The following BLTP3B variants were observed in gnomAD, a reference collection of about 807,000 sequenced individuals.
The protein encoded by BLTP3B is bridge-like lipid transfer protein family member 3B.
the BLTP3B span, among the ~76,000 whole-genome samples, chr12:100,064,832 T>C: frequency 1.3e-5 from 2 of 150,784 alleles, no homozygotes; most frequent in South Asian, 4.2e-4. Flanking sequence ...CAGAACCTCT[T>C]TAAAGCATAA....
the BLTP3B span, chr12:100,072,662 ACT>A: frequency 6.7e-7 from 1 of 1,492,152 alleles, no homozygotes; most frequent in East Asian, 2.5e-5. Context: ...ATAATTAAAA[ACT>A]CTCTTACTTG....
At chr12:100,081,486 G>A in the BLTP3B span, among the ~76,000 whole-genome samples, 1 of 152,004 alleles carries the variant, frequency 6.6e-6, no homozygotes, top group Non-Finnish European at 1.5e-5. Flanking sequence ...GTGTCACTGG[G>A]GTTTGGTGTA....
chr12:100,096,150 G>A, the BLTP3B span, among the ~76,000 whole-genome samples: 1 of 152,098 alleles, frequency 6.6e-6, no homozygotes, highest in Non-Finnish European at 1.5e-5. Context: ...AGCTACTTGG[G>A]AGGTGGAGGC....
the BLTP3B span, among the ~76,000 whole-genome samples, chr12:100,073,699 C>T: frequency 6.6e-6 from 1 of 151,978 alleles, no homozygotes; most frequent in Non-Finnish European, 1.5e-5. Context: ...AATTCATTTT[C>T]CAAAAAGACT....
the BLTP3B span, chr12:100,086,504 A>G: frequency 1.7e-6 from 1 of 591,592 alleles, no homozygotes; most frequent in African/African-American, 1.9e-5. Flanking sequence ...TTTAGGAAAT[A>G]TAATTCAATC....
the BLTP3B span, among the ~76,000 whole-genome samples, chr12:100,118,780 G>A: frequency 6.6e-6 from 1 of 152,108 alleles, no homozygotes; most frequent in Non-Finnish European, 1.5e-5. Context: ...TCATTTTATT[G>A]TATGTAAATT....
chr12:100,048,419 T>C, the BLTP3B span, among the ~76,000 whole-genome samples: 1 of 152,112 alleles, frequency 6.6e-6, no homozygotes, highest in African/African-American at 2.4e-5. Flanking sequence ...GTTTTTTTGA[T>C]AACAAGAAAA....
chr12:100,043,596 T>C, the BLTP3B span, among the ~76,000 whole-genome samples: 2 of 152,250 alleles, frequency 1.3e-5, no homozygotes, highest in African/African-American at 2.4e-5. Flanking sequence ...TTCTTGCCTA[T>C]AAATGCTGTT....
chr12:100,059,646 T>C, the BLTP3B span: 9 of 1,246,938 alleles, frequency 7.2e-6, no homozygotes, highest in Non-Finnish European at 8.6e-6. Context: ...CCCAAAATAC[T>C]ACTTTCCTAT....
At chr12:100,104,221 T>C in the BLTP3B span, among the ~76,000 whole-genome samples, 1 of 150,612 alleles carries the variant, frequency 6.6e-6, no homozygotes. Context: ...TTTTTTTTTT[T>C]TGAGACAGAG....
At chr12:100,043,540 T>C in the BLTP3B span, among the ~76,000 whole-genome samples, 1 of 152,242 alleles carries the variant, frequency 6.6e-6, no homozygotes, top group African/African-American at 2.4e-5. Context: ...TCAGAATTGT[T>C]GAATGTCTTG....
chr12:100,131,187 T>C, the BLTP3B span, among the ~76,000 whole-genome samples: 91 of 151,904 alleles, frequency 6.0e-4, 1 homozygote, highest in African/African-American at 2.0e-3. Flanking sequence ...GGTGCACACC[T>C]GTGGTCCCCA....
the BLTP3B span, among the ~76,000 whole-genome samples, chr12:100,140,158 T>C: frequency 6.6e-6 from 1 of 152,210 alleles, no homozygotes; most frequent in South Asian, 2.1e-4. Context: ...AACACCTGCC[T>C]TCTTTTGTCA....
the BLTP3B span, among the ~76,000 whole-genome samples, chr12:100,055,694 A>G: frequency 6.6e-6 from 1 of 151,710 alleles, no homozygotes; most frequent in Non-Finnish European, 1.5e-5. Flanking sequence ...AAAAAAAAAA[A>G]AAGAATAACA....
chr12:100,038,152 T>G, the BLTP3B span, among the ~76,000 whole-genome samples: 1 of 152,160 alleles, frequency 6.6e-6, no homozygotes, highest in Non-Finnish European at 1.5e-5. Flanking sequence ...CTTTTCATCT[T>G]TTCTTCTACT....
At chr12:100,102,688 T>C in the BLTP3B span, 5 of 1,024,266 alleles carry the variant, frequency 4.9e-6, 1 homozygote, top group East Asian at 1.1e-4. Flanking sequence ...TAGAGGCCAT[T>C]TGAGGTTAAG....
At chr12:100,061,754 G>A in the BLTP3B span, among the ~76,000 whole-genome samples, 3 of 151,910 alleles carry the variant, frequency 2.0e-5, no homozygotes, top group East Asian at 5.8e-4. Flanking sequence ...CTTAAAAGCA[G>A]CTTGTAGAAA....
chr12:100,048,771 A>AGTGTGTGTGTGT, the BLTP3B span, among the ~76,000 whole-genome samples: 14 of 115,024 alleles, frequency 1.2e-4, no homozygotes, highest in African/African-American at 3.0e-4. Context: ...AGTGAGAGTG[A>AGTGTGTGTGTGT]GTGTGTGTGT....
chr12:100,137,444 T>TC, the BLTP3B span, among the ~76,000 whole-genome samples: 1 of 152,160 alleles, frequency 6.6e-6, no homozygotes, highest in African/African-American at 2.4e-5. Context: ...TAATGAATAT[T>TC]CTTTTTTTCT....
Sources: gnomAD v4.1 joint callset for allele counts (sites outside exome capture counted in the v4.1 genomes callset) on GRCh38, gnomAD v4.1.1 for gene constraint, MANE v1.5 for transcripts, NCBI Gene and HGNC (gene_info 2026-07-23, HGNC 2026-07-21) for gene names.